SEC16B: variants seen among roughly 807,000 people sequenced by gnomAD.
The protein encoded by SEC16B is protein transport protein Sec16B.
SEC16B carries 115 observed loss-of-function variants against 141.8 expected under a neutral mutation model. That is an observed-to-expected ratio of 0.81 (90% confidence interval 0.70 to 0.95). SEC16B has a LOEUF of 0.95. Among genes scored for constraint, SEC16B ranks in the 40% least tolerant of loss-of-function variants. The pLI is 0.00. For missense variants in SEC16B, 1,291 were observed against 1,312.3 expected (o/e 0.98, Z 0.25); for synonymous variants, 493 against 492.5 (o/e 1.00, Z -0.01).
rs201106348 is a variant in SEC16B, at chr1:177,933,239, T to C, written c.2798A>G (p.Asp933Gly). The change falls in exon 22 of 26, where the codon GAC (aspartate) becomes GGC (glycine). Residue 933 changes from aspartate to glycine, a missense_variant. Physicochemically the swap from Asp to Gly is moderately conservative, Grantham distance 94 (BLOSUM62 -1). Coordinates refer to ENST00000308284, the MANE Select transcript of SEC16B (RefSeq NM_033127.4). ...CTCAGAGTCAGGGCTGTCTGAGGAGTCCTCGTCTCCAGCGGGGGATGCGTT... is the reference window on the plus strand; with the variant it reads ...CTCAGAGTCAGGGCTGTCTGAGGAGCCCTCGTCTCCAGCGGGGGATGCGTT... ...TKNASPAGDE[D>G]SSDSPDSEET... 1.9e-6 allele frequency: 3 copies of C among 1,589,556 alleles called. No individual in the cohort carries two copies. In the East Asian group the frequency reaches 6.9e-5, roughly 36 times the overall value.
intron 9 of SEC16B, 117 bp downstream of exon 9, chr1:177,958,723 C>A: frequency 2.3e-6 from 3 of 1,306,268 alleles, no homozygotes; most frequent in Non-Finnish European, 1.0e-6. Flanking sequence ...TCCCTTGGGG[C>A]AATTTGTGGC....
chr1:177,965,456 T>C (rs6679120), intron 3 of SEC16B, among the ~76,000 whole-genome samples: 66,470 of 151,378 alleles, frequency 0.44, 14,779 homozygotes, highest in African/African-American at 0.46. Flanking sequence ...GCAGTTCAGA[T>C]GCTGCCATTA....
At chr1:177,945,121 C>A (rs1310219113) in intron 14 of SEC16B, among the ~76,000 whole-genome samples, 2 of 152,208 alleles carry the variant, frequency 1.3e-5, no homozygotes. Flanking sequence ...TCCGGGAGCA[C>A]TGAGACCAAA....
At position 177,968,007 on chromosome 1, in the gene SEC16B, G is replaced by A. The variant is rs1442619523; in HGVS notation, c.-26C>T. ...CCTTGACTCTCTGAATTTGTCCTGG[G>A]TTTTGAGTAAGTTGTGCAGTTATTT... is the stretch of plus-strand genomic sequence containing the variant. On this transcript the variant is annotated 5_prime_UTR_variant, in exon 2 of 26. Coordinates refer to ENST00000308284, the MANE Select transcript of SEC16B (RefSeq NM_033127.4). The A allele has an allele frequency of 1.3e-6, 2 of 1,571,248 alleles. No homozygotes were observed. Among genetic ancestry groups the A allele is most frequent in the East Asian group, 2.3e-5 (1 of 44,134 alleles).
At chr1:177,979,927 T>C (rs541141238) in intron 1 of SEC16B, among the ~76,000 whole-genome samples, 1 of 152,158 alleles carries the variant, frequency 6.6e-6, no homozygotes, top group South Asian at 2.1e-4. Flanking sequence ...TTCCACCAGG[T>C]CCCTCCCACA....
chr1:177,971,340 A>T (rs966942155), upstream of SEC16B: 6 of 152,304 alleles, frequency 3.9e-5, 1 homozygote, highest in East Asian at 1.9e-4. Flanking sequence ...TGAGCCTCCC[A>T]AAGTGCTGGG....
intron 9 of SEC16B, among the ~76,000 whole-genome samples, chr1:177,958,585 C>G (rs1652812519): frequency 6.6e-6 from 1 of 152,226 alleles, no homozygotes; most frequent in African/African-American, 2.4e-5. Context: ...GAAACATTCA[C>G]AATTTCACAG....
At position 177,947,831 on chromosome 1, in the gene SEC16B, T is replaced by G. The variant is rs1360714385; in HGVS notation, c.1657A>C (p.Thr553Pro). 6.5e-7 allele frequency: 1 copy of G among 1,535,952 alleles called. No individual in the cohort carries two copies. The highest frequency in any genetic ancestry group is 2.5e-5 in the East Asian group (1 of 40,384). The change falls in exon 13 of 26, where the codon ACC becomes CCC. Residue 553 changes from threonine to proline, a missense_variant. Thr to Pro is a conservative substitution (Grantham distance 38). Around this residue, in one of 3 missense-constraint regions of SEC16B, gnomAD observed 5 missense variants for 22.8 expected, o/e 0.22. Transcript: ENST00000308284. Reference sequence around the variant, plus strand: ...AAATGCTGGTGTCGCTTACCCAGGGTGTCCCCAATGGCAACAATCGCACGC... The same window carrying G: ...AAATGCTGGTGTCGCTTACCCAGGGGGTCCCCAATGGCAACAATCGCACGC... ...YQRAIVAIGD[T>P]LAGKGLVEAA...
chr1:177,933,317 A>C lies in SEC16B; in HGVS notation c.2725-5T>G. 3.1e-5 allele frequency: 50 copies of C among 1,595,016 alleles called. No individual in the cohort carries two copies. Among genetic ancestry groups the C allele is most frequent in the Non-Finnish European group, 4.3e-5 (50 of 1,170,314 alleles). On this transcript the variant is annotated splice_polypyrimidine_tract_variant and splice_region_variant and intron_variant, in intron 21 of 25. Transcript: ENST00000308284. ...GAACCAGCCAAACCCTGAGCTCTGGAAGGGGAAGAGGACATTTTATGACCT... is the reference window on the plus strand; with the variant it reads ...GAACCAGCCAAACCCTGAGCTCTGGCAGGGGAAGAGGACATTTTATGACCT...
intron 1 of SEC16B, among the ~76,000 whole-genome samples, chr1:177,982,319 C>A (rs1033572039): frequency 6.6e-6 from 1 of 152,188 alleles, no homozygotes; most frequent in Non-Finnish European, 1.5e-5. Flanking sequence ...AGTGGAAAGA[C>A]TGAAGACACA....
chr1:177,943,508 A>C lies in SEC16B; in HGVS notation c.1881+1053T>G, dbSNP rs529077838. ...TTTCAAGGCTTTGTGTTGTGTGTGC[A>C]TGTTGTTGTAATTGTTGTTGTTGCT... is the stretch of plus-strand genomic sequence containing the variant. On this transcript the variant is annotated intron_variant, in intron 15 of 25. Coordinates refer to ENST00000308284, the MANE Select transcript of SEC16B (RefSeq NM_033127.4). 6.6e-5 allele frequency among the ~76,000 whole-genome samples: 10 copies of C among 152,326 alleles called. No homozygotes were observed. In the East Asian group the frequency reaches 1.7e-3, roughly 26 times the overall value.
chr1:177,944,750 G>T, intron 14 of SEC16B, 84 bp from the exon 15 acceptor site: 1 of 1,128,592 alleles, frequency 8.9e-7, no homozygotes, highest in Non-Finnish European at 1.3e-6. Context: ...AACACCAGCT[G>T]CAGCCTTTCA....
chr1:177,935,663 A>G (rs76410383), intron 20 of SEC16B, among the ~76,000 whole-genome samples: 3 of 77,520 alleles, frequency 3.9e-5, no homozygotes, highest in Admixed American at 1.1e-4. Flanking sequence ...TTCAGTCAGG[A>G]AAAAAAAAAA....
chr1:177,964,385 T>G, intron 4 of SEC16B, 106 bp from the exon 5 acceptor site: 1 of 677,960 alleles, frequency 1.5e-6, no homozygotes, highest in Non-Finnish European at 2.5e-6. Context: ...GCAGGTACCA[T>G]GTCAGCCTGG....
Position 177,940,876 on chromosome 1 carries a change from G to T in SEC16B, c.2023-162C>A, listed in dbSNP as rs189986129. Among the ~76,000 whole-genome samples, 6 of 152,282 alleles carry T rather than the reference G, an allele frequency of 3.9e-5. No homozygotes were observed. The East Asian group carries it at 1.2e-3, about 29-fold the overall frequency. On this transcript the variant is annotated intron_variant, in intron 16 of 25. Coordinates refer to ENST00000308284, the MANE Select transcript of SEC16B (RefSeq NM_033127.4). ...CATTATAAAAAATAATCGAAAAACA[G>T]CAAATTCAGCAGATATCCTCCCAAA...
chr1:177,933,491 T>A lies in SEC16B; in HGVS notation c.2717A>T (p.His906Leu), dbSNP rs557959940. ...QRGKLGDGKE[H>L]TKSSGFGWFS... is the part of the protein sequence containing the mutation. ...AAGAACAAGTCCCTCCACCTTTGTA[T>A]GCTCCTTCCCATCTCCGAGCTTGCC... Residue 906 changes from histidine (H) to leucine (L), a missense_variant, in exon 21 of 26, where the codon CAT becomes CTT. This residue lies in a region of SEC16B where 605 missense variants were observed against 614.1 expected (regional missense o/e 0.99). Coordinates refer to ENST00000308284, the MANE Select transcript of SEC16B (RefSeq NM_033127.4). 6.2e-7 allele frequency: 1 copy of A among 1,613,104 alleles called. No homozygotes were observed. Among genetic ancestry groups the A allele is most frequent in the African/African-American group, 1.3e-5 (1 of 75,026 alleles).
At position 177,951,898 on chromosome 1, in the gene SEC16B, C is replaced by T. The variant is rs887402155; in HGVS notation, c.1545+16G>A. 1 of 1,587,824 alleles carries T rather than the reference C, an allele frequency of 6.3e-7. No homozygotes were observed. Among genetic ancestry groups the T allele is most frequent in the African/African-American group, 1.3e-5 (1 of 74,268 alleles). ...TGGGATGCCTGGGTGATAAAGGAAT[C>T]CTGTCATAGGGGTACCGTGGCTGCC... On this transcript the variant is annotated intron_variant, in intron 12 of 25. Coordinates refer to ENST00000308284, the MANE Select transcript of SEC16B (RefSeq NM_033127.4).
At chr1:177,931,840 C>A (rs1650437394) in intron 24 of SEC16B, among the ~76,000 whole-genome samples, 1 of 152,150 alleles carries the variant, frequency 6.6e-6, no homozygotes, top group South Asian at 2.1e-4. Context: ...GATATGAAAT[C>A]CATACTGATG....
chr1:177,972,293 A>G (rs1419220650), upstream of SEC16B, among the ~76,000 whole-genome samples: 1 of 152,200 alleles, frequency 6.6e-6, no homozygotes, highest in Non-Finnish European at 1.5e-5. Flanking sequence ...TCACCACTCC[A>G]AAGGGTTTAG....
Sources: allele counts gnomAD v4.1 joint callset (sites outside exome capture counted in the v4.1 genomes callset), GRCh38; gene constraint gnomAD v4.1.1; regional missense constraint gnomAD v4.1.1; transcripts MANE v1.5; gene names NCBI Gene and HGNC (gene_info 2026-07-23, HGNC 2026-07-21).